The following ARPC1B variants were observed in gnomAD, a reference collection of about 807,000 sequenced individuals.
The protein encoded by ARPC1B is actin-related protein 2/3 complex subunit 1B.
In ARPC1B, 29 loss-of-function variants were observed where a neutral mutation model predicts 46.0. The ratio of observed to expected loss-of-function variants is 0.63; its 90% CI spans 0.47 to 0.86. The LOEUF (loss-of-function observed/expected upper bound fraction) is 0.86. ARPC1B is among the 40% of genes least tolerant of loss of function. The pLI, the probability that ARPC1B is intolerant of heterozygous loss-of-function variation, is 0.00. For missense variants in ARPC1B, 469 were observed against 529.4 expected (o/e 0.89, Z 1.12); for synonymous variants, 201 against 213.9 (o/e 0.94, Z 0.53).
In ARPC1B at chr7:99,388,167, C is replaced by T. The variant is rs1180289632; in HGVS notation, c.298C>T (p.Arg100Cys). ...LVILRINRAARCVRWAPNENK... is the reference protein window; with the variant it reads ...LVILRINRAACCVRWAPNENK... Reference sequence around the variant, plus strand: ...CATCCTGCGGATCAACCGGGCTGCCCGCTGCGTGCGCTGGGCCCCCAACGA... The same window carrying T: ...CATCCTGCGGATCAACCGGGCTGCCTGCTGCGTGCGCTGGGCCCCCAACGA... The change falls in exon 4 of 10, where the codon CGC becomes TGC. Residue 100 changes from arginine to cysteine, a missense_variant. Arg to Cys is a radical substitution (Grantham distance 180). Transcript: ENST00000646101. 10 of 1,614,078 alleles carry T rather than the reference C, an allele frequency of 6.2e-6. No individual in the cohort carries two copies. The highest frequency in any genetic ancestry group is 2.2e-5 in the East Asian group (1 of 44,894).
At chr7:99,384,774 G>T (rs753722347) in intron 1 of ARPC1B, among the ~76,000 whole-genome samples, 1 of 151,992 alleles carries the variant, frequency 6.6e-6, no homozygotes, top group African/African-American at 2.4e-5. Flanking sequence ...TGAGCAGTGT[G>T]GGGGAAGACC....
intron 7 of ARPC1B, 87 bp from the exon 8 acceptor site, chr7:99,392,584 T>A: frequency 1.6e-6 from 2 of 1,240,554 alleles, no homozygotes; most frequent in Non-Finnish European, 2.1e-6. Flanking sequence ...GGCATCTGCC[T>A]CCCGGGCGGC....
Position 99,387,854 on chromosome 7 carries a change from C to T in ARPC1B, c.170-185C>T, listed in dbSNP as rs565726148. 7.0e-4 allele frequency among the ~76,000 whole-genome samples: 105 copies of T among 150,784 alleles called. 2 individuals are homozygous for T. In the South Asian group the frequency reaches 0.021, roughly 31 times the overall value. On this transcript the variant is annotated intron_variant, in intron 3 of 9. Transcript: ENST00000646101. ...GGCAGAGGCTGCAGTGAGCTGAGAT[C>T]ATGCCACTGCACTCCAGCCTGGGTG...
chr7:99,381,343 G>A (rs1253625066), intron 1 of ARPC1B, among the ~76,000 whole-genome samples: 2 of 152,122 alleles, frequency 1.3e-5, no homozygotes, highest in African/African-American at 2.4e-5. Flanking sequence ...GGCTCAACAC[G>A]TGCATGTGGG....
At chr7:99,394,307 G>T (rs773311549) in intron 9 of ARPC1B, 144 bp from the exon 10 acceptor site, 3 of 1,063,432 alleles carry the variant, frequency 2.8e-6, no homozygotes, top group Admixed American at 3.6e-5. Context: ...TTCAGGGCCG[G>T]GATTCCAACC....
At chr7:99,387,349 G>A (rs145815206) in intron 3 of ARPC1B, among the ~76,000 whole-genome samples, 4,262 of 152,222 alleles carry the variant, frequency 0.028, 88 homozygotes, top group Non-Finnish European at 0.041. Flanking sequence ...CAGAAGAATC[G>A]CTTGAACCCA....
chr7:99,386,827 G>T lies in ARPC1B; in HGVS notation c.169+38G>T, dbSNP rs532558000. ...GGCTGGGACCACCGTCCTGAAAGGA[G>T]GTGGTGGGTTGGGGGGGTGGTGCAA... On this transcript the variant is annotated intron_variant, in intron 3 of 9. Coordinates refer to ENST00000646101, the MANE Select transcript of ARPC1B (RefSeq NM_005720.4). 44 of 1,539,846 alleles carry T rather than the reference G, an allele frequency of 2.9e-5. No individual in the cohort carries two copies. In the South Asian group the frequency reaches 4.9e-4, roughly 17 times the overall value.
chr7:99,393,112 C>G (rs185091314), intron 8 of ARPC1B, among the ~76,000 whole-genome samples: 1 of 152,104 alleles, frequency 6.6e-6, no homozygotes, highest in Admixed American at 6.5e-5. Context: ...GCCTTGGCGC[C>G]GTACTAAAAC....
intron 7 of ARPC1B, 90 bp from the exon 8 acceptor site, chr7:99,392,581 G>GCCTC: frequency 8.3e-7 from 1 of 1,201,422 alleles, no homozygotes; most frequent in South Asian, 1.6e-5. Context: ...GCTGGCATCT[G>GCCTC]CCTCCCGGGC....
rs1472312624 is a variant in ARPC1B at position 99,392,536 on chromosome 7, G to C, written c.784-135G>C. 14 of 770,078 alleles carry C rather than the reference G, an allele frequency of 1.8e-5. 1 individual carries two copies. Among genetic ancestry groups the C allele is most frequent in the Non-Finnish European group, 2.6e-5 (13 of 504,344 alleles). The allele number at this position is 770,078 out of a possible 1,614,324, so 47.7% of individuals were successfully genotyped here. The stretch of plus-strand genomic sequence containing the variant: ...CCCGGTTTTGATACACCTGCAATTC[G>C]GGCCTCCCTCGCTGTGGCCCGTCTG... On this transcript the variant is annotated intron_variant, in intron 7 of 9. Coordinates refer to ENST00000646101, the MANE Select transcript of ARPC1B (RefSeq NM_005720.4).
rs759381235 is a variant in ARPC1B, at chr7:99,394,517, T to G, written c.*28T>G. 6 of 1,614,002 alleles carry G rather than the reference T, an allele frequency of 3.7e-6. No individual in the cohort carries two copies. In the Admixed American group the frequency reaches 1.0e-4, roughly 27 times the overall value. ...TGTGAGGAATATGTTGCCTTCATCC[T>G]AGCTGCTGGGGAAGCGGGGAGAGGG... On this transcript the variant is annotated 3_prime_UTR_variant, in exon 10 of 10. Coordinates refer to ENST00000646101, the MANE Select transcript of ARPC1B (RefSeq NM_005720.4).
intron 5 of ARPC1B, among the ~76,000 whole-genome samples, chr7:99,390,371 T>G (rs1359220395): frequency 1.4e-5 from 2 of 144,598 alleles, no homozygotes; most frequent in African/African-American, 5.0e-5. Context: ...TAGACAGGAT[T>G]TTTTTTTTTT....
intron 1 of ARPC1B, among the ~76,000 whole-genome samples, chr7:99,375,330 C>G (rs1794003752): frequency 6.6e-6 from 1 of 152,196 alleles, no homozygotes; most frequent in African/African-American, 2.4e-5. Context: ...CGCCCCGCCC[C>G]TGCCCTCCTG....
chr7:99,380,761 AGTCT>A, intron 1 of ARPC1B, among the ~76,000 whole-genome samples: 1 of 152,164 alleles, frequency 6.6e-6, no homozygotes. Flanking sequence ...GGGATGTCAG[AGTCT>A]GTGCATCAAC....
At chr7:99,376,687 G>T (rs546510681) in intron 1 of ARPC1B, 7 of 152,126 alleles carry the variant, frequency 4.6e-5, no homozygotes, top group Non-Finnish European at 7.3e-5. Context: ...CCTGACCAAC[G>T]TGGTGAAACC....
At chr7:99,392,907 CG>C in intron 8 of ARPC1B, 31 bp downstream of exon 8, 1 of 1,512,074 alleles carries the variant, frequency 6.6e-7, no homozygotes, top group Non-Finnish European at 8.9e-7. Context: ...GGCGGGTGGG[CG>C]GGGCCTCGGC....
At chr7:99,379,439 C>A (rs1584398791) in intron 1 of ARPC1B, among the ~76,000 whole-genome samples, 1 of 152,144 alleles carries the variant, frequency 6.6e-6, no homozygotes, top group Admixed American at 6.6e-5. Flanking sequence ...GCTGCTCTAT[C>A]CAAGAACTGC....
At chr7:99,379,656 A>G (rs1381292795) in intron 1 of ARPC1B, among the ~76,000 whole-genome samples, 1 of 152,142 alleles carries the variant, frequency 6.6e-6, no homozygotes, top group Admixed American at 6.6e-5. Flanking sequence ...GGCTGAGGGC[A>G]CCCAGCCAGT....
chr7:99,382,420 G>A (rs75779379), intron 1 of ARPC1B, among the ~76,000 whole-genome samples: 24 of 136,250 alleles, frequency 1.8e-4, no homozygotes, highest in African/African-American at 6.0e-4. Flanking sequence ...AAAAAAAAAA[G>A]GATACTTTTT....
Sources: allele counts gnomAD v4.1 joint callset (sites outside exome capture counted in the v4.1 genomes callset), GRCh38; gene constraint gnomAD v4.1.1; transcripts MANE v1.5; gene names NCBI Gene and HGNC (gene_info 2026-07-23, HGNC 2026-07-21).